WWOX: variants seen among roughly 807,000 people sequenced by gnomAD.
WWOX encodes the protein WW domain containing oxidoreductase.
In WWOX, 69 loss-of-function variants were observed where a neutral mutation model predicts 46.2. That is an observed-to-expected ratio of 1.49 (90% confidence interval 1.23 to 1.82). WWOX has a LOEUF of 1.82. WWOX is among the 40% of genes most tolerant of loss of function. WWOX has a pLI of 0.00. For missense variants in WWOX, 919 were observed against 542.6 expected (o/e 1.69, Z -6.89); for synonymous variants, 359 against 202.6 (o/e 1.77, Z -6.56).
At chr16:79,098,222 G>C (rs754779699) in intron 8 of WWOX, among the ~76,000 whole-genome samples, 1 of 151,638 alleles carries the variant, frequency 6.6e-6, no homozygotes, top group Non-Finnish European at 1.5e-5. Context: ...TTTGATTGCA[G>C]ATTGAATCCA....
chr16:78,386,989 C>G lies in WWOX; in HGVS notation c.605+41C>G, dbSNP rs376839907. 774 of 1,572,334 alleles carry G rather than the reference C, an allele frequency of 4.9e-4. 1 individual carries two copies. The highest frequency in any genetic ancestry group is 5.5e-4 in the Non-Finnish European group (631 of 1,141,648). On this transcript the variant is annotated intron_variant, in intron 6 of 8. Coordinates refer to ENST00000566780, the MANE Select transcript of WWOX (RefSeq NM_016373.4). ...GAGGGTTATAGATCATAATTTCTTG[C>G]TATTGTAATATCTTTATCAGATGAA...
At chr16:79,070,355 G>GAAGT (rs1342498129) in intron 8 of WWOX, among the ~76,000 whole-genome samples, 9 of 151,846 alleles carry the variant, frequency 5.9e-5, no homozygotes, top group African/African-American at 2.2e-4. Context: ...TTACTGTTGA[G>GAAGT]AAGTAAATTG....
At chr16:79,034,476 T>TG (rs1209350143) in intron 8 of WWOX, among the ~76,000 whole-genome samples, 1 of 152,250 alleles carries the variant, frequency 6.6e-6, no homozygotes, top group Non-Finnish European at 1.5e-5. Context: ...CTGCATCTTT[T>TG]GGGGGCTCTG....
chr16:78,285,350 C>G (rs1425418190), intron 5 of WWOX, among the ~76,000 whole-genome samples: 1 of 151,934 alleles, frequency 6.6e-6, no homozygotes, highest in Non-Finnish European at 1.5e-5. Flanking sequence ...GAGGCTGAGG[C>G]AGGAGGATCA....
intron 8 of WWOX, among the ~76,000 whole-genome samples, chr16:78,840,565 C>G (rs1270642426): frequency 6.6e-6 from 1 of 152,114 alleles, no homozygotes; most frequent in African/African-American, 2.4e-5. Context: ...AGTATTGTTA[C>G]ACAGTTTGTA....
intron 8 of WWOX, among the ~76,000 whole-genome samples, chr16:78,599,865 A>C (rs2045579760): frequency 6.6e-6 from 1 of 152,084 alleles, no homozygotes; most frequent in African/African-American, 2.4e-5. Context: ...TGAGCTCTCT[A>C]AATGACAGTG....
chr16:78,645,764 C>T (rs1211318650), intron 8 of WWOX, among the ~76,000 whole-genome samples: 1 of 152,166 alleles, frequency 6.6e-6, no homozygotes, highest in Non-Finnish European at 1.5e-5. Flanking sequence ...CAAATTTCAA[C>T]ATGAGATTTG....
At chr16:78,772,954 G>A (rs2050099720) in intron 8 of WWOX, among the ~76,000 whole-genome samples, 1 of 152,190 alleles carries the variant, frequency 6.6e-6, no homozygotes, top group Non-Finnish European at 1.5e-5. Flanking sequence ...GGGCCCAGGA[G>A]GCTGAGGCTG....
At chr16:78,292,328 C>T (rs1294110974) in intron 5 of WWOX, among the ~76,000 whole-genome samples, 1 of 152,134 alleles carries the variant, frequency 6.6e-6, no homozygotes, top group Non-Finnish European at 1.5e-5. Context: ...GTGATGAGTA[C>T]AGAGCTGTCT....
intron 5 of WWOX, among the ~76,000 whole-genome samples, chr16:78,272,084 A>C (rs922308092): frequency 3.3e-5 from 5 of 152,196 alleles, no homozygotes; most frequent in Admixed American, 3.3e-4. Flanking sequence ...CGCATAATAC[A>C]TTACCCCAAA....
At chr16:78,253,918 T>G (rs1197675023) in intron 5 of WWOX, among the ~76,000 whole-genome samples, 1 of 152,104 alleles carries the variant, frequency 6.6e-6, no homozygotes, top group Non-Finnish European at 1.5e-5. Flanking sequence ...CTGGTACAAC[T>G]CAACAGGCAT....
intron 8 of WWOX, among the ~76,000 whole-genome samples, chr16:79,198,430 T>A (rs767462088): frequency 1.3e-4 from 20 of 152,210 alleles, no homozygotes; most frequent in Non-Finnish European, 1.8e-4. Flanking sequence ...TGGGTATGGC[T>A]GCATCCTCTG....
At position 78,914,602 on chromosome 16, in the gene WWOX, G is replaced by A. The variant is rs565427659; in HGVS notation, c.1057-297006G>A. 5.3e-5 allele frequency among the ~76,000 whole-genome samples: 8 copies of A among 152,024 alleles called. 1 individual carries two copies. The highest frequency in any genetic ancestry group is 3.9e-4 in the East Asian group (2 of 5,176). On this transcript the variant is annotated intron_variant, in intron 8 of 8. Transcript: ENST00000566780. ...GTGAGTATAAGAGGGAAACCAGGCCGGGAGCAGCGGCTCACACCTGTAATC... is the reference window on the plus strand; with the variant it reads ...GTGAGTATAAGAGGGAAACCAGGCCAGGAGCAGCGGCTCACACCTGTAATC...
At chr16:78,650,089 G>C (rs2046932771) in intron 8 of WWOX, among the ~76,000 whole-genome samples, 1 of 152,170 alleles carries the variant, frequency 6.6e-6, no homozygotes, top group South Asian at 2.1e-4. Context: ...AGTAGGACTG[G>C]CTGAAATGTC....
At chr16:78,691,937 AG>A (rs2047999059) in intron 8 of WWOX, among the ~76,000 whole-genome samples, 1 of 152,170 alleles carries the variant, frequency 6.6e-6, no homozygotes. Flanking sequence ...TTCTCATAAT[AG>A]TGAATAAGTC....
chr16:79,042,874 A>G (rs1256948896), intron 8 of WWOX, among the ~76,000 whole-genome samples: 1 of 152,138 alleles, frequency 6.6e-6, no homozygotes, highest in Non-Finnish European at 1.5e-5. Context: ...AATAGCTTTT[A>G]TTGCTTCTAT....
At chr16:79,151,012 T>G (rs1218354191) in intron 8 of WWOX, among the ~76,000 whole-genome samples, 1 of 152,196 alleles carries the variant, frequency 6.6e-6, no homozygotes, top group Non-Finnish European at 1.5e-5. Context: ...TGCACAGGAA[T>G]TATTTCCCTT....
At chr16:78,470,423 G>C (rs1009714980) in intron 8 of WWOX, among the ~76,000 whole-genome samples, 6 of 152,166 alleles carry the variant, frequency 3.9e-5, no homozygotes, top group African/African-American at 1.4e-4. Context: ...TGACTTTGGA[G>C]ATAACCAGAA....
rs372151995 is a variant in WWOX, at chr16:78,163,456, C to G, written c.410-727C>G. 6.4e-4 allele frequency among the ~76,000 whole-genome samples: 97 copies of G among 152,244 alleles called. No individual in the cohort carries two copies. The South Asian group carries it at 0.017, about 27-fold the overall frequency. ...CTGAGCTCAAATTTATGTCTTTTTC[C>G]TTGTTATAAAATTGCCAAAAGCTCA... On this transcript the variant is annotated intron_variant, in intron 4 of 8. Coordinates refer to ENST00000566780, the MANE Select transcript of WWOX (RefSeq NM_016373.4).
Sources: gnomAD v4.1 joint callset for allele counts (sites outside exome capture counted in the v4.1 genomes callset) on GRCh38, gnomAD v4.1.1 for gene constraint, MANE v1.5 for transcripts, NCBI Gene and HGNC (gene_info 2026-07-23, HGNC 2026-07-21) for gene names.